The following MAD1L1 variants were observed in gnomAD, a reference collection of about 807,000 sequenced individuals.
MAD1L1 encodes the protein mitotic arrest deficient 1 like 1.
In MAD1L1, 95 loss-of-function variants were observed where a neutral mutation model predicts 96.9. The observed-to-expected ratio is 0.98, with a 90% CI of 0.83 to 1.16. MAD1L1 has a LOEUF of 1.16. MAD1L1 is among the 50% of genes most tolerant of loss of function. The pLI is 0.00. For synonymous variants in MAD1L1, 473 were observed against 396.6 expected (o/e 1.19, Z -2.29); for missense variants, 1,007 against 954.4 (o/e 1.06, Z -0.73).
intron 16 of MAD1L1, among the ~76,000 whole-genome samples, chr7:1,951,411 G>T (rs1247018460): frequency 6.6e-6 from 1 of 152,184 alleles, no homozygotes; most frequent in Non-Finnish European, 1.5e-5. Flanking sequence ...CAAGCTGCCT[G>T]CTGGGTCTCA....
intron 17 of MAD1L1, among the ~76,000 whole-genome samples, chr7:1,906,440 G>A (rs1239362481): frequency 2.0e-5 from 3 of 152,232 alleles, no homozygotes; most frequent in Non-Finnish European, 4.4e-5. Flanking sequence ...AGCCTGACCT[G>A]GTCCCAGCCC....
intron 12 of MAD1L1, among the ~76,000 whole-genome samples, chr7:2,015,774 G>A (rs898481185): frequency 1.3e-5 from 2 of 152,242 alleles, no homozygotes; most frequent in Non-Finnish European, 2.9e-5. Context: ...CCACCCAGGT[G>A]TGCGGGAGGG....
chr7:1,917,229 G>A (rs1186995811), intron 17 of MAD1L1, among the ~76,000 whole-genome samples: 1 of 152,212 alleles, frequency 6.6e-6, no homozygotes, highest in Admixed American at 6.5e-5. Context: ...GCGGCATGGA[G>A]CCACCCGCCC....
At chr7:2,175,209 C>G (rs141422590) in intron 10 of MAD1L1, 2 of 152,406 alleles carry the variant, frequency 1.3e-5, no homozygotes, top group Non-Finnish European at 2.9e-5. Context: ...TAATGCCCGC[C>G]CCGGCTGCAC....
At chr7:1,818,076 C>G (rs1781920431) in intron 18 of MAD1L1, among the ~76,000 whole-genome samples, 1 of 152,148 alleles carries the variant, frequency 6.6e-6, no homozygotes, top group Admixed American at 6.5e-5. Flanking sequence ...AGAGAAACCA[C>G]TCTGACCTTT....
At chr7:1,876,363 C>T (rs1017352891) in intron 18 of MAD1L1, among the ~76,000 whole-genome samples, 16 of 152,218 alleles carry the variant, frequency 1.1e-4, no homozygotes, top group East Asian at 3.9e-4. Context: ...TCTTCTCCTT[C>T]GCACAGGTGG....
At chr7:1,935,538 G>A (rs1402758642) in intron 17 of MAD1L1, among the ~76,000 whole-genome samples, 1 of 152,216 alleles carries the variant, frequency 6.6e-6, no homozygotes, top group Non-Finnish European at 1.5e-5. Context: ...TGGGGCACAA[G>A]AGGGAGGGAA....
At chr7:2,159,362 C>T (rs778757555) in intron 10 of MAD1L1, among the ~76,000 whole-genome samples, 2 of 152,208 alleles carry the variant, frequency 1.3e-5, no homozygotes, top group African/African-American at 4.8e-5. Context: ...TCCACAACAC[C>T]GCACCCCTAG....
chr7:1,906,070 A>G (rs1787611690), intron 17 of MAD1L1, among the ~76,000 whole-genome samples: 1 of 137,450 alleles, frequency 7.3e-6, no homozygotes, highest in Non-Finnish European at 1.5e-5. Context: ...AAAAAAAAAA[A>G]AAGAGCCGGG....
chr7:2,161,094 G>C (rs78469080), intron 10 of MAD1L1, among the ~76,000 whole-genome samples: 4 of 66,586 alleles, frequency 6.0e-5, no homozygotes, highest in Admixed American at 5.5e-4. Flanking sequence ...TCATCAAGAC[G>C]ATAATGGAGC....
chr7:1,977,490 G>T (rs1050369620), intron 15 of MAD1L1, among the ~76,000 whole-genome samples: 6 of 152,176 alleles, frequency 3.9e-5, no homozygotes, highest in African/African-American at 1.4e-4. Context: ...GTTCCTGCCT[G>T]CGCCTCTCCC....
intron 12 of MAD1L1, among the ~76,000 whole-genome samples, chr7:2,059,199 G>A (rs1584218534): frequency 2.6e-5 from 3 of 117,258 alleles, no homozygotes; most frequent in Admixed American, 8.5e-5. Context: ...TGTGGCCAGA[G>A]GAGAGAAGCA....
intron 17 of MAD1L1, among the ~76,000 whole-genome samples, chr7:1,934,889 G>C (rs1778495030): frequency 6.6e-6 from 1 of 151,652 alleles, no homozygotes; most frequent in Non-Finnish European, 1.5e-5. Context: ...GCGAACCCGA[G>C]ACGGGCAGAG....
chr7:2,222,748 C>T lies in MAD1L1; in HGVS notation c.298G>A (p.Val100Ile), dbSNP rs1279354004. Residue 100 changes from valine to isoleucine, a missense_variant, in exon 5 of 19, where the codon GTC (valine) becomes ATC (isoleucine). Coordinates refer to ENST00000265854, the MANE Select transcript of MAD1L1 (RefSeq NM_001013836.2). ...GTCAGGAGCTCCTGGTTGCGGTCGACCTCACGCTGTTAAGAGAGCAAGAGT... is the reference window on the plus strand; with the variant it reads ...GTCAGGAGCTCCTGGTTGCGGTCGATCTCACGCTGTTAAGAGAGCAAGAGT... ...STSARNYERE[V>I]DRNQELLTRI... is the part of the protein sequence containing the mutation. 6.3e-7 allele frequency: 1 copy of T among 1,598,866 alleles called. No homozygotes were observed. The highest frequency in any genetic ancestry group is 8.5e-7 in the Non-Finnish European group (1 of 1,177,292).
intron 17 of MAD1L1, among the ~76,000 whole-genome samples, chr7:1,927,518 G>A (rs1789158550): frequency 6.6e-6 from 1 of 152,210 alleles, no homozygotes; most frequent in Non-Finnish European, 1.5e-5. Context: ...AAGAGAAGGT[G>A]TAGAAAGAGA....
At chr7:2,052,102 C>A (rs1784205919) in intron 12 of MAD1L1, among the ~76,000 whole-genome samples, 2 of 152,144 alleles carry the variant, frequency 1.3e-5, no homozygotes. Flanking sequence ...CAGGCCAAGA[C>A]CCACGCTCCG....
At chr7:2,034,184 A>T (rs1351646534) in intron 12 of MAD1L1, among the ~76,000 whole-genome samples, 3 of 152,174 alleles carry the variant, frequency 2.0e-5, no homozygotes, top group Admixed American at 2.0e-4. Flanking sequence ...ATCATGAAAA[A>T]ATTAAAAACA....
At chr7:2,104,478 C>G (rs895745834) in intron 11 of MAD1L1, among the ~76,000 whole-genome samples, 12 of 152,224 alleles carry the variant, frequency 7.9e-5, no homozygotes, top group Admixed American at 5.9e-4. Context: ...CAGGGGGCGG[C>G]TGCGGCACCT....
intron 12 of MAD1L1, among the ~76,000 whole-genome samples, chr7:2,039,306 T>G (rs930647073): frequency 3.3e-5 from 5 of 152,254 alleles, no homozygotes; most frequent in African/African-American, 1.2e-4. Flanking sequence ...TTGGCCATTA[T>G]GCAAAAGCTG....
Sources: allele counts gnomAD v4.1 joint callset (sites outside exome capture counted in the v4.1 genomes callset), GRCh38; gene constraint gnomAD v4.1.1; transcripts MANE v1.5; gene names NCBI Gene and HGNC (gene_info 2026-07-23, HGNC 2026-07-21).